The following JAK2 variants were observed in gnomAD, a reference collection of about 807,000 sequenced individuals.
JAK2 encodes tyrosine-protein kinase JAK2.
JAK2 carries 86 observed loss-of-function variants against 139.3 expected under a neutral mutation model. That is an observed-to-expected ratio of 0.62 (90% confidence interval 0.52 to 0.74). The LOEUF is 0.74. JAK2 is among the 30% of genes least tolerant of loss of function. JAK2 has a pLI of 0.00. For synonymous variants in JAK2, 490 were observed against 437.7 expected (o/e 1.12, Z -1.49); for missense variants, 1,421 against 1,360.3 (o/e 1.04, Z -0.70).
chr9:5,122,708 T>C (rs1823705392), intron 22 of JAK2, among the ~76,000 whole-genome samples: 1 of 151,972 alleles, frequency 6.6e-6, no homozygotes, highest in Non-Finnish European at 1.5e-5. Context: ...GCCTGGCACA[T>C]ACTAAAGTTA....
intron 2 of JAK2, among the ~76,000 whole-genome samples, chr9:5,014,343 C>T (rs575424551): frequency 3.9e-5 from 6 of 152,156 alleles, no homozygotes; most frequent in South Asian, 2.1e-4. Flanking sequence ...TTAATCAACA[C>T]ATGTTGACCA....
At chr9:5,057,822 C>A (rs12004239) in intron 8 of JAK2, among the ~76,000 whole-genome samples, 11,307 of 151,962 alleles carry the variant, frequency 0.074, 1,278 homozygotes, top group African/African-American at 0.25. Flanking sequence ...ACCTCATGAT[C>A]CGCCTGCCTC....
chr9:5,058,465 C>G (rs147021097), intron 8 of JAK2, among the ~76,000 whole-genome samples: 16 of 152,108 alleles, frequency 1.1e-4, no homozygotes, highest in African/African-American at 3.9e-4. Context: ...GGGAAACAAC[C>G]CCCATGATTC....
At chr9:5,046,917 C>A (rs980377708) in intron 5 of JAK2, among the ~76,000 whole-genome samples, 1 of 152,100 alleles carries the variant, frequency 6.6e-6, no homozygotes, top group Non-Finnish European at 1.5e-5. Context: ...CCAAGTTTTC[C>A]CAAACTATTC....
At chr9:5,080,782 A>G in intron 18 of JAK2, 99 bp downstream of exon 18, 1 of 904,616 alleles carries the variant, frequency 1.1e-6, no homozygotes, top group Non-Finnish European at 1.6e-6. Flanking sequence ...CATTTTCTTG[A>G]TGTCATTTGG....
intron 4 of JAK2, among the ~76,000 whole-genome samples, chr9:5,033,647 A>G (rs1823337190): frequency 6.6e-6 from 1 of 152,232 alleles, no homozygotes; most frequent in Non-Finnish European, 1.5e-5. Flanking sequence ...ACTAAGCTTC[A>G]TATGTGAAGG....
rs1269895569 is a variant in JAK2 at position 5,054,779 on chromosome 9, T to G, written c.831T>G (p.Ser277Arg). 1.9e-6 allele frequency: 3 copies of G among 1,612,502 alleles called. No individual in the cohort carries two copies. The highest frequency in any genetic ancestry group is 2.5e-6 in the Non-Finnish European group (3 of 1,178,834). Residue 277 changes from serine (S) to arginine (R), a missense_variant, in exon 7 of 25, where the codon AGT becomes AGG. Coordinates refer to ENST00000381652, the MANE Select transcript of JAK2 (RefSeq NM_004972.4). This position sits in a 1 kb window ranked among gnomAD's most constrained non-coding sequence, Gnocchi z 4.9. ...TEKFEVKEPG[S>R]GPSGEEIFAT... ...AATTTGAAGTAAAAGAACCTGGAAG[T>G]GGTCCTTCAGGTGAGGAGATTTTTG...
intron 8 of JAK2, among the ~76,000 whole-genome samples, chr9:5,063,211 C>G (rs1264866955): frequency 2.6e-5 from 4 of 152,100 alleles, no homozygotes; most frequent in Non-Finnish European, 4.4e-5. Context: ...TCTTATATAA[C>G]TTTTTCCAGG....
intron 22 of JAK2, chr9:5,096,786 T>A (rs1009453042): frequency 6.6e-6 from 1 of 152,126 alleles, no homozygotes; most frequent in Non-Finnish European, 1.5e-5. Flanking sequence ...TTGAGCAGAA[T>A]TAGGTCAACC....
intron 5 of JAK2, among the ~76,000 whole-genome samples, chr9:5,049,990 T>G (rs1817299589): frequency 6.6e-6 from 1 of 152,230 alleles, no homozygotes; most frequent in Non-Finnish European, 1.5e-5. Flanking sequence ...ATATGTGGTC[T>G]GCCATTGACC....
At chr9:4,993,632 A>T (rs1820389372) in intron 2 of JAK2, among the ~76,000 whole-genome samples, 1 of 151,960 alleles carries the variant, frequency 6.6e-6, no homozygotes, top group Non-Finnish European at 1.5e-5. Context: ...CATTTCTCTC[A>T]CTTTGCTTGA....
chr9:5,073,348 A>G (rs1586741359), intron 13 of JAK2, among the ~76,000 whole-genome samples: 1 of 152,206 alleles, frequency 6.6e-6, no homozygotes, highest in South Asian at 2.1e-4. Flanking sequence ...GGCTACATCC[A>G]TCTACCTCAG....
At chr9:4,996,941 T>C (rs565144654) in intron 2 of JAK2, among the ~76,000 whole-genome samples, 152 of 147,052 alleles carry the variant, frequency 1.0e-3, no homozygotes, top group South Asian at 2.2e-3. Context: ...TTTTTTTTTT[T>C]TTTTTTTTGA....
At chr9:5,119,676 G>T (rs774065759) in intron 22 of JAK2, among the ~76,000 whole-genome samples, 2 of 152,234 alleles carry the variant, frequency 1.3e-5, no homozygotes, top group African/African-American at 4.8e-5. Flanking sequence ...CATTCCTTCA[G>T]TAAATGTGTT....
chr9:5,117,949 A>G (rs1823331083), intron 22 of JAK2, among the ~76,000 whole-genome samples: 2 of 152,180 alleles, frequency 1.3e-5, no homozygotes, highest in Admixed American at 6.5e-5. Context: ...ATTTAGAAAA[A>G]CCACATCCTC....
rs953365044 is a variant in JAK2 at position 5,129,086 on chromosome 9, G to C, written c.*2295G>C. The stretch of plus-strand genomic sequence containing the variant: ...CCTAAGGCTTCTAGTTTACAGTCAA[G>C]TGTAATTTTCATCACAACTATAACT... On this transcript the variant is annotated 3_prime_UTR_variant, in exon 25 of 25. Coordinates refer to ENST00000381652, the MANE Select transcript of JAK2 (RefSeq NM_004972.4). Among the ~76,000 whole-genome samples, 5 of 151,940 alleles carry C rather than the reference G, an allele frequency of 3.3e-5. No homozygotes were observed. The highest frequency in any genetic ancestry group is 7.4e-5 in the Non-Finnish European group (5 of 67,896).
In JAK2 at chr9:4,997,597, G is replaced by A. The variant is rs563030278; in HGVS notation, c.-26+11575G>A. On this transcript the variant is annotated intron_variant, in intron 2 of 24. Transcript: ENST00000381652. ...CACCAGGCCTCACCTCCAACATTGGGGATTACAGTGCAACACATGAAATTT... is the reference window on the plus strand; with the variant it reads ...CACCAGGCCTCACCTCCAACATTGGAGATTACAGTGCAACACATGAAATTT... Among the ~76,000 whole-genome samples the A allele has an allele frequency of 3.3e-5, 5 of 152,142 alleles. No homozygotes were observed. In the South Asian group the frequency reaches 1.0e-3, roughly 32 times the overall value.
chr9:5,063,879 C>T (rs1053082319), intron 8 of JAK2, among the ~76,000 whole-genome samples: 7 of 152,150 alleles, frequency 4.6e-5, no homozygotes, highest in Non-Finnish European at 5.9e-5. Flanking sequence ...ACAATCAGGC[C>T]GGGCATGGTG....
chr9:4,994,272 TCA>T (rs1382939909), intron 2 of JAK2, among the ~76,000 whole-genome samples: 1 of 152,204 alleles, frequency 6.6e-6, no homozygotes, highest in Non-Finnish European at 1.5e-5. Context: ...TCACTTAAAG[TCA>T]CAGTTTCCAA....
Sources: gnomAD v4.1 joint callset for allele counts (sites outside exome capture counted in the v4.1 genomes callset) on GRCh38, gnomAD v4.1.1 for gene constraint, Gnocchi (gnomAD v3.1) non-coding constraint, MANE v1.5 for transcripts, NCBI Gene and HGNC (gene_info 2026-07-23, HGNC 2026-07-21) for gene names.